Variants in CPOX observed in about 807,000 individuals in gnomAD.
The protein encoded by CPOX is oxygen-dependent coproporphyrinogen-III oxidase, mitochondrial.
CPOX carries 24 observed loss-of-function variants against 48.9 expected under a neutral mutation model. The ratio of observed to expected loss-of-function variants is 0.49; its 90% CI spans 0.36 to 0.69. CPOX has a LOEUF of 0.69. CPOX is among the 30% of genes least tolerant of loss of function. The pLI, the probability that CPOX is intolerant of heterozygous loss-of-function variation, is 0.00. For synonymous variants in CPOX, 249 were observed against 234.6 expected (o/e 1.06, Z -0.56); for missense variants, 549 against 597.3 (o/e 0.92, Z 0.84).
At chr3:98,587,271 G>A (rs1306466601) in intron 4 of CPOX, among the ~76,000 whole-genome samples, 1 of 151,936 alleles carries the variant, frequency 6.6e-6, no homozygotes, top group Non-Finnish European at 1.5e-5. Context: ...TATATCCTGA[G>A]TAAAGTTGTA....
intron 3 of CPOX, 39 bp from the exon 4 acceptor site, chr3:98,588,893 G>C: frequency 6.2e-7 from 1 of 1,612,464 alleles, no homozygotes; most frequent in Non-Finnish European, 8.5e-7. Context: ...GTGGACTTTT[G>C]AGATTCAGCA....
downstream of CPOX, among the ~76,000 whole-genome samples, chr3:98,575,928 C>T (rs1316945960): frequency 2.0e-5 from 3 of 151,912 alleles, no homozygotes; most frequent in Non-Finnish European, 2.9e-5. Context: ...AAAAATTAGC[C>T]GGGCGTGCTG....
At chr3:98,578,293 A>G (rs934782181), downstream of CPOX, 3 of 921,340 alleles carry the variant, frequency 3.3e-6, no homozygotes, top group Middle Eastern at 5.5e-4. Flanking sequence ...GCACAGAAAA[A>G]TTTTATCTTC....
At chr3:98,587,336 C>T (rs1476428219) in intron 4 of CPOX, among the ~76,000 whole-genome samples, 1 of 151,984 alleles carries the variant, frequency 6.6e-6, no homozygotes, top group East Asian at 1.9e-4. Context: ...TAAAACATTA[C>T]AAAATTAAGT....
downstream of CPOX, chr3:98,579,369 T>C (rs149544416): frequency 5.7e-4 from 260 of 458,176 alleles, 2 homozygotes; most frequent in African/African-American, 5.2e-3. Context: ...AGCCCTAATG[T>C]TGTTCAAGGA....
At chr3:98,570,894 T>C in the CPOX span, among the ~76,000 whole-genome samples, 36 of 152,356 alleles carry the variant, frequency 2.4e-4, no homozygotes, top group South Asian at 1.2e-3. Context: ...CTTATGTGTA[T>C]CTTTAAATAG....
intron 5 of CPOX, among the ~76,000 whole-genome samples, chr3:98,582,695 G>A (rs1707281025): frequency 6.6e-6 from 1 of 152,070 alleles, no homozygotes; most frequent in African/African-American, 2.4e-5. Flanking sequence ...GTCTCATAGT[G>A]TTAGCCAGGA....
chr3:98,574,178 T>G, the CPOX span, among the ~76,000 whole-genome samples: 27 of 152,358 alleles, frequency 1.8e-4, no homozygotes, highest in Admixed American at 9.1e-4. Flanking sequence ...TTCTCGTTTT[T>G]GTTAATGACA....
chr3:98,580,308 T>C lies in CPOX; in HGVS notation c.*375A>G, dbSNP rs1707229329. 9.9e-7 allele frequency: 1 copy of C among 1,011,422 alleles called. No homozygotes were observed. The allele number at this position is 1,011,422 out of a possible 1,614,324, so 62.7% of individuals were successfully genotyped here. A position where few individuals can be genotyped will look rare whatever the true frequency, so the allele number is the denominator to read the frequency against. On this transcript the variant is annotated 3_prime_UTR_variant, in exon 7 of 7. Coordinates refer to ENST00000647941, the MANE Select transcript of CPOX (RefSeq NM_000097.7). ...AAAATAAAATATATTCCACGACAGA[T>C]TTTTGTGGCACAAATGAAAACTTTA...
downstream of CPOX, among the ~76,000 whole-genome samples, chr3:98,574,694 G>A (rs548064993): frequency 2.8e-4 from 42 of 152,282 alleles, no homozygotes; most frequent in Admixed American, 6.5e-4. Flanking sequence ...CGATTCTCCT[G>A]CCTCAGCCTC....
At chr3:98,572,910 C>A in the CPOX span, among the ~76,000 whole-genome samples, 1 of 152,110 alleles carries the variant, frequency 6.6e-6, no homozygotes, top group East Asian at 1.9e-4. Context: ...TTTTTTTACA[C>A]CCAAAATGTG....
At position 98,580,745 on chromosome 3, in the gene CPOX, C is replaced by CT; in HGVS notation, c.1302dup (p.Glu435ArgfsTer7). The CT allele has an allele frequency of 6.2e-7, 1 of 1,614,066 alleles. No individual in the cohort carries two copies. The highest frequency in any genetic ancestry group is 8.5e-7 in the Non-Finnish European group (1 of 1,179,984). ...AGAATTTCAGCTTCTTTGGAATTCT[C>CT]TGAGGGTGAATGCATGTACTCCCAT... is the stretch of plus-strand genomic sequence containing the variant. On this transcript the variant is annotated frameshift_variant, in exon 7 of 7. Coordinates refer to ENST00000647941, the MANE Select transcript of CPOX (RefSeq NM_000097.7). LOFTEE classifies it high-confidence loss of function.
chr3:98,593,558 GC>G lies in CPOX; in HGVS notation c.-55del. 1 of 1,486,788 alleles carries G rather than the reference GC, an allele frequency of 6.7e-7. No individual in the cohort carries two copies. The highest frequency in any genetic ancestry group is 1.2e-5 in the South Asian group (1 of 80,356). 92.1% of individuals were successfully genotyped at this position (1,486,788 alleles called of 1,614,324 possible). ...CTGCGTCCCAGAGCCCTGCGTTTGA[GC>G]CCCCCACCCAGACCCCCGGAGTATT... On this transcript the variant is annotated 5_prime_UTR_variant, in exon 1 of 7. Transcript: ENST00000647941.
chr3:98,574,885 C>G (rs1180955992), downstream of CPOX, among the ~76,000 whole-genome samples: 1 of 152,088 alleles, frequency 6.6e-6, no homozygotes, highest in Non-Finnish European at 1.5e-5. Context: ...AGCCTGTATT[C>G]AGGTAGTATT....
At chr3:98,573,573 G>A in the CPOX span, among the ~76,000 whole-genome samples, 11 of 54,708 alleles carry the variant, frequency 2.0e-4, no homozygotes, top group Admixed American at 1.4e-3. Flanking sequence ...TCCACTCCCT[G>A]CCAAAAAAAA....
the CPOX span, among the ~76,000 whole-genome samples, chr3:98,571,687 C>CAAAAA: frequency 1.9e-4 from 9 of 46,242 alleles, no homozygotes; most frequent in African/African-American, 8.6e-4. Flanking sequence ...GACTCCGTCT[C>CAAAAA]AAAAAAAAAA....
intron 5 of CPOX, among the ~76,000 whole-genome samples, chr3:98,584,609 G>A (rs75240168): frequency 1.6e-3 from 242 of 152,194 alleles, no homozygotes; most frequent in Non-Finnish European, 2.7e-3. Context: ...CAGAATTAAC[G>A]TCAATGAGAA....
intron 4 of CPOX, among the ~76,000 whole-genome samples, chr3:98,588,018 T>TTAAAGCTGAACTCCATACTCTTGCA (rs1707399586): frequency 1.3e-5 from 2 of 152,204 alleles, no homozygotes; most frequent in African/African-American, 4.8e-5. Flanking sequence ...CCTGACGATT[T>TTAAAGCTGAACTCCATACTCTTGCA]TAAAGCTGAA....
intron 1 of CPOX, among the ~76,000 whole-genome samples, chr3:98,592,262 A>C (rs1021985673): frequency 2.0e-5 from 3 of 152,122 alleles, no homozygotes; most frequent in African/African-American, 7.2e-5. Context: ...AAAAGTCAGG[A>C]ATCTTTCAAG....
Sources: allele counts gnomAD v4.1 joint callset (sites outside exome capture counted in the v4.1 genomes callset), GRCh38; gene constraint gnomAD v4.1.1; transcripts MANE v1.5; gene names NCBI Gene and HGNC (gene_info 2026-07-23, HGNC 2026-07-21).